Variants in PDGFC observed in about 807,000 individuals in gnomAD.
PDGFC encodes the protein platelet-derived growth factor C.
Under a neutral mutation model 35.5 loss-of-function variants are expected in PDGFC, and 12 were observed. That is an observed-to-expected ratio of 0.34 (90% CI 0.22 to 0.55). The LOEUF (loss-of-function observed/expected upper bound fraction) is 0.55, where lower values mean the gene tolerates loss of function less well. PDGFC is among the 20% of genes least tolerant of loss of function. The probability of loss-of-function intolerance (pLI) is 0.91; values close to 1 mark genes in which losing one functional copy is unlikely to be tolerated. For synonymous variants in PDGFC, 159 were observed against 148.8 expected (o/e 1.07, Z -0.50); for missense variants, 322 against 412.4 (o/e 0.78, Z 1.90).
chr4:156,960,923 A>G (rs1732328813), intron 1 of PDGFC, among the ~76,000 whole-genome samples: 1 of 152,056 alleles, frequency 6.6e-6, no homozygotes, highest in Non-Finnish European at 1.5e-5. Flanking sequence ...TACAATTTGC[A>G]CCCTGCCTGA....
At chr4:156,941,370 A>C (rs1731801650) in intron 1 of PDGFC, among the ~76,000 whole-genome samples, 1 of 152,186 alleles carries the variant, frequency 6.6e-6, no homozygotes, top group Non-Finnish European at 1.5e-5. Flanking sequence ...ACTGCACGGG[A>C]TGACGGTCAA....
intron 1 of PDGFC, among the ~76,000 whole-genome samples, chr4:156,946,828 C>T (rs1186819983): frequency 6.6e-6 from 1 of 152,006 alleles, no homozygotes; most frequent in Non-Finnish European, 1.5e-5. Flanking sequence ...TTCATGTTTT[C>T]ATATGTGTTA....
intron 1 of PDGFC, among the ~76,000 whole-genome samples, chr4:156,887,415 T>C (rs1730401162): frequency 6.6e-6 from 1 of 152,146 alleles, no homozygotes; most frequent in Admixed American, 6.5e-5. Context: ...TAAGAACTGG[T>C]TATGCATGTT....
intron 1 of PDGFC, among the ~76,000 whole-genome samples, chr4:156,915,179 A>G (rs945108312): frequency 6.6e-6 from 1 of 152,216 alleles, no homozygotes; most frequent in Non-Finnish European, 1.5e-5. Context: ...CCAAAACTTT[A>G]TAAATCTAAA....
chr4:156,932,827 C>T (rs2110881783), intron 1 of PDGFC, among the ~76,000 whole-genome samples: 1 of 151,622 alleles, frequency 6.6e-6, no homozygotes, highest in East Asian at 1.9e-4. Flanking sequence ...AGCACACCAA[C>T]ATGGCACATG....
chr4:156,904,253 T>C (rs1428405367), intron 1 of PDGFC, among the ~76,000 whole-genome samples: 1 of 151,956 alleles, frequency 6.6e-6, no homozygotes, highest in Non-Finnish European at 1.5e-5. Flanking sequence ...ACGTGAAAAG[T>C]CATGGATAAA....
chr4:156,767,563 C>T (rs1160117875), intron 5 of PDGFC, among the ~76,000 whole-genome samples: 1 of 151,902 alleles, frequency 6.6e-6, no homozygotes, highest in African/African-American at 2.4e-5. Context: ...GTTATACTAC[C>T]AGAGAATATA....
chr4:156,802,176 C>T (rs549187815), intron 3 of PDGFC, among the ~76,000 whole-genome samples: 3 of 152,094 alleles, frequency 2.0e-5, no homozygotes, highest in Non-Finnish European at 4.4e-5. Flanking sequence ...GTGTTGTTTT[C>T]TTCTGGGTAT....
chr4:156,765,222 G>C (rs1313302649), intron 5 of PDGFC, among the ~76,000 whole-genome samples: 2 of 152,150 alleles, frequency 1.3e-5, no homozygotes, highest in Non-Finnish European at 2.9e-5. Flanking sequence ...GACTTTGGTG[G>C]AGAAAAATAG....
At chr4:156,964,420 GTATA>G (rs541237339) in intron 1 of PDGFC, among the ~76,000 whole-genome samples, 1 of 146,930 alleles carries the variant, frequency 6.8e-6, no homozygotes, top group South Asian at 2.1e-4. Context: ...ATATATAACA[GTATA>G]TATATAGTGA....
chr4:156,879,548 CA>C (rs1156868207), intron 1 of PDGFC, among the ~76,000 whole-genome samples: 1 of 152,090 alleles, frequency 6.6e-6, no homozygotes, highest in Non-Finnish European at 1.5e-5. Context: ...CTAACAAGCA[CA>C]GGACATTAAT....
chr4:156,810,995 C>T lies in PDGFC; in HGVS notation c.337G>A (p.Glu113Lys). The change falls in exon 3 of 6, where the codon GAA (glutamate) becomes AAA (lysine). Residue 113 changes from glutamate (E) to lysine (K), a missense_variant. Transcript: ENST00000502773. ...ICKYDFVEVE[E>K]PSDGTILGRW... The stretch of plus-strand genomic sequence containing the variant: ...CCTAATATAGTTCCATCACTGGGTT[C>T]CTCAACTTCTACAAAATCATACCTG... 1.3e-6 allele frequency: 2 copies of T among 1,580,944 alleles called. No individual in the cohort carries two copies. Among genetic ancestry groups the T allele is most frequent in the Non-Finnish European group, 1.7e-6 (2 of 1,166,762 alleles).
At chr4:156,951,872 C>A (rs1395833036) in intron 1 of PDGFC, among the ~76,000 whole-genome samples, 1 of 151,728 alleles carries the variant, frequency 6.6e-6, no homozygotes, top group African/African-American at 2.4e-5. Context: ...CCATTTCAAG[C>A]ATAAATTTTA....
intron 3 of PDGFC, among the ~76,000 whole-genome samples, chr4:156,806,254 C>G (rs900234512): frequency 1.3e-5 from 2 of 151,972 alleles, no homozygotes; most frequent in African/African-American, 4.8e-5. Flanking sequence ...CATCCACCCC[C>G]TGCCCAGCTT....
At chr4:156,796,491 ATTTTTTTTTT>A (rs35891804) in intron 3 of PDGFC, among the ~76,000 whole-genome samples, 1 of 101,628 alleles carries the variant, frequency 9.8e-6, no homozygotes, top group Non-Finnish European at 2.1e-5. Context: ...ACCACTTTGT[ATTTTTTTTTT>A]TTTTTTTTTT....
At chr4:156,940,816 T>C (rs1731788060) in intron 1 of PDGFC, among the ~76,000 whole-genome samples, 1 of 152,144 alleles carries the variant, frequency 6.6e-6, no homozygotes, top group Non-Finnish European at 1.5e-5. Flanking sequence ...GATATGACAA[T>C]TCAGTTGTCT....
At chr4:156,902,919 C>T (rs115772468) in intron 1 of PDGFC, among the ~76,000 whole-genome samples, 2,483 of 152,164 alleles carry the variant, frequency 0.016, 73 homozygotes, top group African/African-American at 0.057. Flanking sequence ...AAAACAGGCA[C>T]TTGATAATTA....
intron 1 of PDGFC, among the ~76,000 whole-genome samples, chr4:156,962,075 G>C (rs1732356700): frequency 6.6e-6 from 1 of 152,160 alleles, no homozygotes. Flanking sequence ...AAAGGGTTTT[G>C]ATGGAATCTT....
chr4:156,822,423 G>A (rs1366421736), intron 2 of PDGFC, among the ~76,000 whole-genome samples: 1 of 150,340 alleles, frequency 6.7e-6, no homozygotes, highest in African/African-American at 2.4e-5. Context: ...TACTGTATGA[G>A]GAAGCACATA....
Sources: allele counts gnomAD v4.1 joint callset (sites outside exome capture counted in the v4.1 genomes callset), GRCh38; gene constraint gnomAD v4.1.1; transcripts MANE v1.5; gene names NCBI Gene and HGNC (gene_info 2026-07-23, HGNC 2026-07-21).